Variants in CFD observed in about 807,000 individuals in gnomAD.
CFD encodes C3 convertase activator.
In CFD, 24 loss-of-function variants were observed where a neutral mutation model predicts 21.1. The observed-to-expected ratio is 1.14, with a 90% confidence interval of 0.82 to 1.60. CFD has a LOEUF of 1.60. Ranked by LOEUF, CFD falls within the 40% of genes most tolerant of loss-of-function variation. The probability of loss-of-function intolerance (pLI) is 0.00; values close to 1 mark genes in which losing one functional copy is unlikely to be tolerated. For missense variants in CFD, 535 were observed against 383.3 expected (o/e 1.40, Z -3.31); for synonymous variants, 242 against 175.9 (o/e 1.38, Z -2.97).
In CFD at chr19:863,429, A is replaced by G; in HGVS notation, c.*191A>G. On this transcript the variant is annotated 3_prime_UTR_variant, in exon 5 of 5. Transcript: ENST00000327726. ...CACGTAGCGCGACTCCATCTCTACA[A>G]ATAAATAAAAAATTAGCTGGGCAAT... 1.5e-6 allele frequency: 1 copy of G among 652,632 alleles called. No individual in the cohort carries two copies. The highest frequency in any genetic ancestry group is 2.6e-6 in the Non-Finnish European group (1 of 378,636). 40.4% of individuals were successfully genotyped at this position (652,632 alleles called of 1,614,324 possible).
rs997420047 is a variant in CFD, at chr19:863,311, C to T, written c.*73C>T. The T allele has an allele frequency of 3.4e-5, 52 of 1,515,890 alleles. No individual in the cohort carries two copies. In the Admixed American group the frequency reaches 4.9e-4, roughly 14 times the overall value. 93.9% of individuals were successfully genotyped at this position (1,515,890 alleles called of 1,614,324 possible). ...GCAATGAAGTCATCCACTCCTGCAT[C>T]TGGTTGGTCTTTATTGAGCACCTAC... is the stretch of plus-strand genomic sequence containing the variant. On this transcript the variant is annotated 3_prime_UTR_variant, in exon 5 of 5. Coordinates refer to ENST00000327726, the MANE Select transcript of CFD (RefSeq NM_001928.4).
chr19:860,820 G>C (rs1412441371), intron 2 of CFD, 41 bp from the exon 3 acceptor site: 1 of 1,555,194 alleles, frequency 6.4e-7, no homozygotes, highest in Admixed American at 1.9e-5. Flanking sequence ...GCGGTGGGGG[G>C]AGTCGGCTGG....
rs577452799 is a variant in CFD, at chr19:860,742, G to A, written c.181G>A (p.Val61Met). The change falls in exon 2 of 5, where the codon GTG becomes ATG. Residue 61 changes from valine to methionine, a missense_variant. Physicochemically the swap from Val to Met is conservative, Grantham distance 21. Transcript: ENST00000327726. ...CGGCGTCCTGGTGGCGGAGCAGTGG[G>A]TGCTGAGCGCGGCGCACTGCCTGGA... ...CGGVLVAEQW[V>M]LSAAHCLEDA... 1.0e-4 allele frequency: 161 copies of A among 1,568,346 alleles called. No homozygotes were observed. Among genetic ancestry groups the A allele is most frequent in the Non-Finnish European group, 1.3e-4 (157 of 1,166,470 alleles).
chr19:861,152 C>A, intron 3 of CFD, 147 bp downstream of exon 3: 1 of 657,376 alleles, frequency 1.5e-6, no homozygotes, highest in East Asian at 2.7e-5. Flanking sequence ...ACCCTCACCC[C>A]GGGTCTAGCC....
In CFD at chr19:863,261, G is replaced by T. The variant is rs2035837189; in HGVS notation, c.*23G>T. On this transcript the variant is annotated 3_prime_UTR_variant, in exon 5 of 5. Coordinates refer to ENST00000327726, the MANE Select transcript of CFD (RefSeq NM_001928.4). Reference sequence around the variant, plus strand: ...TAGGGTGCCGGGGCCTGAAGGTCAGGGTCACCCAAGCAACAAAGTCCCGAG... The same window carrying T: ...TAGGGTGCCGGGGCCTGAAGGTCAGTGTCACCCAAGCAACAAAGTCCCGAG... 6.5e-7 allele frequency: 1 copy of T among 1,546,670 alleles called. No individual in the cohort carries two copies. Among genetic ancestry groups the T allele is most frequent in the Non-Finnish European group, 8.7e-7 (1 of 1,152,664 alleles).
In CFD at chr19:861,013, C is replaced by G. The variant is rs1209297759; in HGVS notation, c.357+8C>G. ...GACCTCCTGCTGCTACAGGTCGGCC[C>G]CGTGTAGCGCAGTCCCTCCTGCGGC... On this transcript the variant is annotated splice_region_variant and intron_variant, in intron 3 of 4. Coordinates refer to ENST00000327726, the MANE Select transcript of CFD (RefSeq NM_001928.4). 2 of 1,597,256 alleles carry G rather than the reference C, an allele frequency of 1.3e-6. No individual in the cohort carries two copies. Among genetic ancestry groups the G allele is most frequent in the East Asian group, 2.2e-5 (1 of 44,784 alleles).
chr19:863,103 G>C lies in CFD; in HGVS notation c.627G>C (p.Gly209=). Residue 209 remains glycine, a synonymous_variant, in exon 5 of 5, where the codon GGG becomes GGC. Coordinates refer to ENST00000327726, the MANE Select transcript of CFD (RefSeq NM_001928.4). The part of the protein sequence containing the change: ...NRRDSCKGDS[G]GPLVCGGVLE... ...TCCTGTTCCGGCAGGGTGACTCCGG[G>C]GGCCCGCTGGTGTGCGGGGGCGTGC... is the stretch of plus-strand genomic sequence containing the variant. 6.6e-7 allele frequency: 1 copy of C among 1,525,288 alleles called. No homozygotes were observed. The highest frequency in any genetic ancestry group is 1.2e-5 in the South Asian group (1 of 83,744). The allele number at this position is 1,525,288 out of a possible 1,614,324, so 94.5% of individuals were successfully genotyped here. A position where few individuals can be genotyped will look rare whatever the true frequency, so the allele number is the denominator to read the frequency against.
In CFD at chr19:863,221, G is replaced by C. The variant is rs865899452; in HGVS notation, c.745G>C (p.Asp249His). 8 of 1,545,382 alleles carry C rather than the reference G, an allele frequency of 5.2e-6. No homozygotes were observed. The East Asian group carries it at 1.2e-4, about 23-fold the overall frequency. ...TRVASYAAWI[D>H]SVLA is the part of the protein sequence containing the mutation. The stretch of plus-strand genomic sequence containing the variant: ...CGTGGCGAGCTATGCGGCCTGGATC[G>C]ACAGCGTCCTGGCCTAGGGTGCCGG... The change falls in exon 5 of 5, where the codon GAC becomes CAC. Residue 249 changes from aspartate (D) to histidine (H), a missense_variant. Physicochemically the swap from Asp to His is moderately conservative, Grantham distance 81. Transcript: ENST00000327726.
At position 863,105 on chromosome 19, in the gene CFD, G is replaced by C. The variant is rs781602858; in HGVS notation, c.629G>C (p.Gly210Ala). 53 of 1,525,404 alleles carry C rather than the reference G, an allele frequency of 3.5e-5. 1 individual carries two copies. The Middle Eastern group carries it at 5.5e-4, about 16-fold the overall frequency. The allele number at this position is 1,525,404 out of a possible 1,614,324, so 94.5% of individuals were successfully genotyped here. ...RRDSCKGDSG[G>A]PLVCGGVLEG... is the part of the protein sequence containing the mutation. Reference sequence around the variant, plus strand: ...CTGTTCCGGCAGGGTGACTCCGGGGGCCCGCTGGTGTGCGGGGGCGTGCTC... The same window carrying C: ...CTGTTCCGGCAGGGTGACTCCGGGGCCCCGCTGGTGTGCGGGGGCGTGCTC... The change falls in exon 5 of 5, where the codon GGC becomes GCC. Residue 210 changes from glycine to alanine, a missense_variant. Transcript: ENST00000327726.
Position 863,597 on chromosome 19 carries a change from G to C in CFD, c.*359G>C, listed in dbSNP as rs897382230. 6 of 205,262 alleles carry C rather than the reference G, an allele frequency of 2.9e-5. No homozygotes were observed. Among genetic ancestry groups the C allele is most frequent in the Non-Finnish European group, 5.8e-5 (6 of 103,792 alleles). 12.7% of individuals were successfully genotyped at this position (205,262 alleles called of 1,614,324 possible). ...AGCCTGGGCAACAGAGTGAAACCTTGTCTCTCTCTACAAAAAAAAAAAAAA... is the reference window on the plus strand; with the variant it reads ...AGCCTGGGCAACAGAGTGAAACCTTCTCTCTCTCTACAAAAAAAAAAAAAA... On this transcript the variant is annotated 3_prime_UTR_variant, in exon 5 of 5. Coordinates refer to ENST00000327726, the MANE Select transcript of CFD (RefSeq NM_001928.4).
rs1311022840 is a variant in CFD, at chr19:860,908, A to G, written c.260A>G (p.Gln87Arg). 3 of 1,594,486 alleles carry G rather than the reference A, an allele frequency of 1.9e-6. No homozygotes were observed. Among genetic ancestry groups the G allele is most frequent in the Non-Finnish European group, 2.6e-6 (3 of 1,175,954 alleles). ...CTCCTGGGCGCGCACTCCCTGTCGC[A>G]GCCGGAGCCCTCCAAGCGCCTGTAC... Reference protein sequence around the residue: ...QVLLGAHSLSQPEPSKRLYDV... With the variant: ...QVLLGAHSLSRPEPSKRLYDV... Residue 87 changes from glutamine to arginine, a missense_variant, in exon 3 of 5, where the codon CAG becomes CGG. Transcript: ENST00000327726.
chr19:862,940 T>G, intron 4 of CFD, 152 bp from the exon 5 acceptor site: 2 of 757,708 alleles, frequency 2.6e-6, no homozygotes, highest in East Asian at 2.8e-5. Flanking sequence ...GCGATAGGCG[T>G]GGCGCGGGGC....
chr19:863,082 G>A lies in CFD; in HGVS notation c.616-10G>A, dbSNP rs540805610. On this transcript the variant is annotated splice_polypyrimidine_tract_variant and intron_variant, in intron 4 of 4. Transcript: ENST00000327726. ...GGGCCGCCCCTCACGGCCCCGTCCTGTTCCGGCAGGGTGACTCCGGGGGCC... is the reference window on the plus strand; with the variant it reads ...GGGCCGCCCCTCACGGCCCCGTCCTATTCCGGCAGGGTGACTCCGGGGGCC... The A allele has an allele frequency of 9.9e-6, 15 of 1,519,650 alleles. No individual in the cohort carries two copies. In the East Asian group the frequency reaches 3.5e-4, roughly 35 times the overall value. The allele number at this position is 1,519,650 out of a possible 1,614,324, so 94.1% of individuals were successfully genotyped here. A position where few individuals can be genotyped will look rare whatever the true frequency, so the allele number is the denominator to read the frequency against.
intron 4 of CFD, among the ~76,000 whole-genome samples, chr19:862,490 G>C (rs2035814894): frequency 7.3e-6 from 1 of 137,328 alleles, no homozygotes; most frequent in Non-Finnish European, 1.6e-5. Context: ...GGGCGGGCAC[G>C]TGGAGGAAGG....
chr19:862,454 G>A (rs1360160684), intron 4 of CFD, among the ~76,000 whole-genome samples: 1 of 138,650 alleles, frequency 7.2e-6, no homozygotes, highest in Non-Finnish European at 1.6e-5. Context: ...AAGGGCAGGT[G>A]GCAGAGAAAG....
At position 863,601 on chromosome 19, in the gene CFD, C is replaced by T. The variant is rs72984024; in HGVS notation, c.*363C>T. On this transcript the variant is annotated 3_prime_UTR_variant, in exon 5 of 5. Transcript: ENST00000327726. ...TGGGCAACAGAGTGAAACCTTGTCT[C>T]TCTCTACAAAAAAAAAAAAAAAATT... The T allele has an allele frequency of 0.067, 13,270 of 196,686 alleles. 810 individuals are homozygous for T. Among genetic ancestry groups the T allele is most frequent in the Non-Finnish European group, 0.1 (9,674 of 96,184 alleles). 12.2% of individuals were successfully genotyped at this position (196,686 alleles called of 1,614,324 possible).
rs1161076214 is a variant in CFD at position 861,083 on chromosome 19, G to T, written c.357+78G>T. On this transcript the variant is annotated intron_variant, in intron 3 of 4. Transcript: ENST00000327726. Reference sequence around the variant, plus strand: ...CCTCACTCCACCCCGCCTACACCGCGCCCCGGGTCCAGCCTCGACCTCTCC... The same window carrying T: ...CCTCACTCCACCCCGCCTACACCGCTCCCCGGGTCCAGCCTCGACCTCTCC... 37 of 1,469,176 alleles carry T rather than the reference G, an allele frequency of 2.5e-5. No homozygotes were observed. The South Asian group carries it at 3.7e-4, about 15-fold the overall frequency. 91.0% of individuals were successfully genotyped at this position (1,469,176 alleles called of 1,614,324 possible). A position where few individuals can be genotyped will look rare whatever the true frequency, so the allele number is the denominator to read the frequency against.
At chr19:862,054 A>C (rs1200814120) in intron 4 of CFD, 98 bp downstream of exon 4, 15 of 947,208 alleles carry the variant, frequency 1.6e-5, no homozygotes, top group Non-Finnish European at 1.8e-5. Context: ...AACAGGGCCC[A>C]GGGAAGGGGC....
intron 4 of CFD, among the ~76,000 whole-genome samples, chr19:862,834 G>GGGTCGGGGGAACACGTGGTGA (rs2035823490): frequency 6.6e-6 from 1 of 151,850 alleles, no homozygotes; most frequent in Non-Finnish European, 1.5e-5. Context: ...GAGCGGGGTG[G>GGGTCGGGGGAACACGTGGTGA]GGTCGGGGGA....
Sources: allele counts gnomAD v4.1 joint callset (sites outside exome capture counted in the v4.1 genomes callset), GRCh38; gene constraint gnomAD v4.1.1; transcripts MANE v1.5; gene names NCBI Gene and HGNC (gene_info 2026-07-23, HGNC 2026-07-21).